The following TNFSF13B variants were observed in gnomAD, a reference collection of about 807,000 sequenced individuals.
TNFSF13B encodes the protein TNF superfamily member 13b.
A neutral mutation model predicts 29.1 loss-of-function variants in TNFSF13B; 8 were observed. That is an observed-to-expected ratio of 0.27 (90% CI 0.16 to 0.50). The LOEUF (loss-of-function observed/expected upper bound fraction) is 0.50. Among genes scored for constraint, TNFSF13B ranks in the 20% least tolerant of loss-of-function variants. The pLI, the probability that TNFSF13B is intolerant of heterozygous loss-of-function variation, is 0.98. For missense variants in TNFSF13B, 248 were observed against 334.9 expected, an observed-to-expected ratio of 0.74 and a Z score of 2.03; for synonymous variants, 125 against 130.8, an observed-to-expected ratio of 0.96 and a Z score of 0.30.
At chr13:108,278,620 C>CCTCCTCCTCCACTTCTCTTT (rs1880831951) in intron 2 of TNFSF13B, among the ~76,000 whole-genome samples, 1 of 140,184 alleles carries the variant, frequency 7.1e-6, no homozygotes, top group Non-Finnish European at 1.6e-5. Context: ...CCCTTCTCTT[C>CCTCCTCCTCCACTTCTCTTT]CTCCTCCTCC....
At chr13:108,279,791 C>T (rs1267845174) in intron 2 of TNFSF13B, among the ~76,000 whole-genome samples, 1 of 151,940 alleles carries the variant, frequency 6.6e-6, no homozygotes, top group Non-Finnish European at 1.5e-5. Context: ...GGCTGCTATG[C>T]TCCTCATCTT....
At chr13:108,270,473 C>T (rs762509677) in intron 2 of TNFSF13B, 49 bp downstream of exon 2, 2 of 1,553,488 alleles carry the variant, frequency 1.3e-6, no homozygotes, top group Non-Finnish European at 8.9e-7. Flanking sequence ...TAGAGAATAA[C>T]ATCCAGTCTG....
At position 108,270,398 on chromosome 13, in the gene TNFSF13B, G is replaced by C; in HGVS notation, c.398G>C (p.Arg133Pro). The change falls in exon 2 of 6, where the codon CGT becomes CCT. Residue 133 changes from arginine (R) to proline (P), a missense_variant. Arg to Pro is a moderately radical substitution (Grantham distance 103). Transcript: ENST00000375887. ...GNSSQNSRNK[R>P]AVQGPEETVT... The stretch of plus-strand genomic sequence containing the variant: ...TCCAGTCAGAACAGCAGAAATAAGC[G>C]TGCCGTTCAGGGTCCAGAAGAAACA... 1 of 1,614,052 alleles carries C rather than the reference G, an allele frequency of 6.2e-7. No homozygotes were observed. The highest frequency in any genetic ancestry group is 8.5e-7 in the Non-Finnish European group (1 of 1,179,930).
Position 108,270,391 on chromosome 13 carries a change from A to G in TNFSF13B, c.391A>G (p.Asn131Asp), listed in dbSNP as rs1464752312. The G allele has an allele frequency of 3.1e-6, 5 of 1,614,014 alleles. No homozygotes were observed. Among genetic ancestry groups the G allele is most frequent in the Non-Finnish European group, 4.2e-6 (5 of 1,179,976 alleles). The change falls in exon 2 of 6, where the codon AAT becomes GAT. Residue 131 changes from asparagine (N) to aspartate (D), a missense_variant. Around this residue, in one of 2 missense-constraint regions of TNFSF13B, gnomAD observed 186 missense variants for 196.3 expected, o/e 0.95. Transcript: ENST00000375887. Reference protein sequence around the residue: ...GEGNSSQNSRNKRAVQGPEET... With the variant: ...GEGNSSQNSRDKRAVQGPEET... ...AGGCAACTCCAGTCAGAACAGCAGA[A>G]ATAAGCGTGCCGTTCAGGGTCCAGA...
In TNFSF13B at chr13:108,308,327, A is replaced by G. The variant is rs543190788; in HGVS notation, c.*1389A>G. 1 of 152,266 alleles carries G rather than the reference A, an allele frequency of 6.6e-6. No individual in the cohort carries two copies. The highest frequency in any genetic ancestry group is 2.4e-5 in the African/African-American group (1 of 41,584). 9.4% of individuals were successfully genotyped at this position (152,266 alleles called of 1,614,324 possible). ...ATGATTTTGACTTCAGTAAGTTCAA[A>G]TAAAATATATTTTGCAATTCATTTT... On this transcript the variant is annotated 3_prime_UTR_variant, in exon 6 of 6. Coordinates refer to ENST00000375887, the MANE Select transcript of TNFSF13B (RefSeq NM_006573.5).
chr13:108,304,572 A>G (rs1449697378), intron 5 of TNFSF13B, among the ~76,000 whole-genome samples: 3 of 152,192 alleles, frequency 2.0e-5, no homozygotes, highest in African/African-American at 7.2e-5. Flanking sequence ...GGTTTTGCAG[A>G]AAAATATTTA....
At chr13:108,288,818 A>G (rs762955547) in intron 3 of TNFSF13B, among the ~76,000 whole-genome samples, 2 of 152,188 alleles carry the variant, frequency 1.3e-5, no homozygotes, top group Non-Finnish European at 2.9e-5. Context: ...TTGTGAACGA[A>G]CTACGAGTTC....
intron 3 of TNFSF13B, among the ~76,000 whole-genome samples, chr13:108,300,058 C>G (rs1458093274): frequency 6.6e-6 from 1 of 151,868 alleles, no homozygotes. Flanking sequence ...TTTTAGTAAA[C>G]AAATATCTCT....
At chr13:108,292,579 C>G (rs1045996268) in intron 3 of TNFSF13B, among the ~76,000 whole-genome samples, 1 of 152,136 alleles carries the variant, frequency 6.6e-6, no homozygotes, top group Non-Finnish European at 1.5e-5. Flanking sequence ...TTTTCCACAT[C>G]CTCACTGACA....
chr13:108,282,092 T>C lies in TNFSF13B; in HGVS notation c.425-4711T>C, dbSNP rs541391695. Among the ~76,000 whole-genome samples the C allele has an allele frequency of 3.9e-5, 6 of 152,196 alleles. No individual in the cohort carries two copies. In the South Asian group the frequency reaches 1.0e-3, roughly 26 times the overall value. On this transcript the variant is annotated intron_variant, in intron 2 of 5. Transcript: ENST00000375887. ...CCTTCTTTAAAAACATATGGTGCAATAAATAAGATGACAGGAAAAAAACCA... is the reference window on the plus strand; with the variant it reads ...CCTTCTTTAAAAACATATGGTGCAACAAATAAGATGACAGGAAAAAAACCA...
intron 3 of TNFSF13B, among the ~76,000 whole-genome samples, chr13:108,301,648 G>A (rs1566408977): frequency 1.3e-5 from 2 of 152,152 alleles, no homozygotes; most frequent in Admixed American, 6.6e-5. Context: ...GGTGGCGGGG[G>A]TGGAGGTGAA....
chr13:108,290,955 T>A (rs1289412011), intron 3 of TNFSF13B, among the ~76,000 whole-genome samples: 2 of 152,016 alleles, frequency 1.3e-5, no homozygotes, highest in Admixed American at 6.6e-5. Flanking sequence ...CCAACTTAAT[T>A]TTCCCCTGTG....
intron 3 of TNFSF13B, among the ~76,000 whole-genome samples, chr13:108,289,607 T>G (rs1327319214): frequency 6.8e-6 from 1 of 147,670 alleles, no homozygotes; most frequent in African/African-American, 2.5e-5. Flanking sequence ...TATATAATAA[T>G]ATATTATTAT....
chr13:108,282,083 A>G (rs939553903), intron 2 of TNFSF13B, among the ~76,000 whole-genome samples: 4 of 152,228 alleles, frequency 2.6e-5, no homozygotes, highest in African/African-American at 9.6e-5. Context: ...TTAAAAACAT[A>G]TGGTGCAATA....
Position 108,284,359 on chromosome 13 carries a change from T to C in TNFSF13B, c.425-2444T>C, listed in dbSNP as rs139502590. The stretch of plus-strand genomic sequence containing the variant: ...ATAAATAAATAAATAAATAAATGAA[T>C]AAATAAACAAACAAACAAACAAACA... On this transcript the variant is annotated intron_variant, in intron 2 of 5. Coordinates refer to ENST00000375887, the MANE Select transcript of TNFSF13B (RefSeq NM_006573.5). Among the ~76,000 whole-genome samples the C allele has an allele frequency of 5.0e-3, 470 of 94,204 alleles. 1 individual carries two copies. Among genetic ancestry groups the C allele is most frequent in the African/African-American group, 0.012 (397 of 32,248 alleles). The allele number at this position is 94,204 out of a possible 152,430, so 61.8% of individuals were successfully genotyped here. A position where few individuals can be genotyped will look rare whatever the true frequency, so the allele number is the denominator to read the frequency against.
At position 108,304,957 on chromosome 13, in the gene TNFSF13B, A is replaced by T. The variant is rs182516932; in HGVS notation, c.745+1353A>T. On this transcript the variant is annotated intron_variant, in intron 5 of 5. Transcript: ENST00000375887. ...ATTTATAAATGGTGAGACTACTCCA[A>T]TCTGTTATTTATTTATATTTATTAG... 5.1e-3 allele frequency among the ~76,000 whole-genome samples: 779 copies of T among 152,246 alleles called. 6 individuals carry two copies. The highest frequency in any genetic ancestry group is 5.6e-3 in the South Asian group (27 of 4,820).
intron 3 of TNFSF13B, among the ~76,000 whole-genome samples, chr13:108,300,960 T>C (rs922159386): frequency 1.3e-4 from 20 of 152,204 alleles, no homozygotes; most frequent in Admixed American, 1.3e-3. Flanking sequence ...CTCAAAGATC[T>C]GACTAGGGAA....
chr13:108,300,388 T>A (rs1881583727), intron 3 of TNFSF13B, among the ~76,000 whole-genome samples: 1 of 152,094 alleles, frequency 6.6e-6, no homozygotes, highest in South Asian at 2.1e-4. Flanking sequence ...AAATTTAGTA[T>A]CTCTCAAGTA....
At chr13:108,284,121 A>G (rs975100145) in intron 2 of TNFSF13B, among the ~76,000 whole-genome samples, 5 of 152,186 alleles carry the variant, frequency 3.3e-5, no homozygotes, top group African/African-American at 1.2e-4. Context: ...CGAGGTCAGG[A>G]GATCGAGACC....
Sources: gnomAD v4.1 joint callset for allele counts (sites outside exome capture counted in the v4.1 genomes callset) on GRCh38, gnomAD v4.1.1 for gene constraint, gnomAD v4.1.1 regional missense constraint, MANE v1.5 for transcripts, NCBI Gene and HGNC (gene_info 2026-07-23, HGNC 2026-07-21) for gene names.